CASZ1: variants seen among roughly 807,000 people sequenced by gnomAD.
CASZ1 encodes the protein zinc finger protein castor homolog 1.
A neutral mutation model predicts 135.2 loss-of-function variants in CASZ1; 28 were observed. That is an observed-to-expected ratio of 0.21 (90% CI 0.15 to 0.28). The LOEUF is 0.28. Among genes scored for constraint, CASZ1 ranks in the 10% least tolerant of loss-of-function variants. The probability of loss-of-function intolerance (pLI) is 1.00; values close to 1 mark genes in which losing one functional copy is unlikely to be tolerated. For synonymous variants in CASZ1, 1,068 were observed against 1,073.4 expected (o/e 0.99, Z 0.10); for missense variants, 2,161 against 2,453.3 (o/e 0.88, Z 2.52).
rs763428082 is a variant in CASZ1 at position 10,655,721 on chromosome 1, C to T, written c.1593G>A (p.Pro531=). The T allele has an allele frequency of 2.5e-5, 40 of 1,614,090 alleles. No homozygotes were observed. The highest frequency in any genetic ancestry group is 2.7e-5 in the African/African-American group (2 of 74,956). ...SLQHGFMRFS[P]LDDCSVYYHG... ...GGTAGTAGACGCTGCAGTCGTCCAG[C>T]GGGCTGAAACGCATGAAGCCGTGCT... The change falls in exon 9 of 21, where the codon CCG becomes CCA. Residue 531 remains proline, a synonymous_variant. Transcript: ENST00000377022.
chr1:10,780,131 A>G (rs1384444604), intron 1 of CASZ1, among the ~76,000 whole-genome samples: 1 of 152,250 alleles, frequency 6.6e-6, no homozygotes, highest in East Asian at 1.9e-4. Context: ...GCGCCCTGGC[A>G]GCAAAAGGCC....
rs1442815238 is a variant in CASZ1 at position 10,648,065 on chromosome 1, G to A, written c.3233C>T (p.Thr1078Ile). Reference protein sequence around the residue: ...EAAFPASAAETKPPMAPSSPP... With the variant: ...EAAFPASAAEIKPPMAPSSPP... ...GGACGAGGGGGCCATGGGAGGTTTG[G>A]TCTCGGCGGCCGAGGCCGGAAAGGC... is the stretch of plus-strand genomic sequence containing the variant. The change falls in exon 16 of 21, where the codon ACC becomes ATC. Residue 1078 changes from threonine (T) to isoleucine (I), a missense_variant. Transcript: ENST00000377022. The A allele has an allele frequency of 4.4e-6, 7 of 1,594,308 alleles. No homozygotes were observed. Among genetic ancestry groups the A allele is most frequent in the Admixed American group, 1.8e-5 (1 of 56,506 alleles).
At chr1:10,789,620 GAC>G (rs988185795) in intron 1 of CASZ1, among the ~76,000 whole-genome samples, 20 of 150,462 alleles carry the variant, frequency 1.3e-4, no homozygotes, top group African/African-American at 4.7e-4. Flanking sequence ...TTCCACCAAA[GAC>G]ACATAGGACA....
chr1:10,699,301 T>G lies in CASZ1; in HGVS notation c.-23-5389A>C, dbSNP rs1034816564. 3.9e-5 allele frequency among the ~76,000 whole-genome samples: 6 copies of G among 152,324 alleles called. No homozygotes were observed. The South Asian group carries it at 8.3e-4, about 21-fold the overall frequency. On this transcript the variant is annotated intron_variant, in intron 3 of 20. Coordinates refer to ENST00000377022, the MANE Select transcript of CASZ1 (RefSeq NM_001079843.3). This position sits in a 1 kb window ranked among gnomAD's most constrained non-coding sequence, Gnocchi z 4.6. ...CTTGTGCCCTGGGAGAGGATCACACTTTCCCCCCATTTCCTTTTAGGGAAG... is the reference window on the plus strand; with the variant it reads ...CTTGTGCCCTGGGAGAGGATCACACGTTCCCCCCATTTCCTTTTAGGGAAG...
At chr1:10,791,081 C>CAAAAAAAAAAAAAAAAAAAA (rs61062042) in intron 1 of CASZ1, among the ~76,000 whole-genome samples, 1 of 121,196 alleles carries the variant, frequency 8.3e-6, no homozygotes, top group Non-Finnish European at 1.9e-5. Flanking sequence ...CTCTTCCCAT[C>CAAAAAAAAAAAAAAAAAAAA]AAAAAAAAAA....
Position 10,727,074 on chromosome 1 carries a change from C to T in CASZ1, c.-76-21530G>A, listed in dbSNP as rs1268499340. On this transcript the variant is annotated intron_variant, in intron 2 of 20. Coordinates refer to ENST00000377022, the MANE Select transcript of CASZ1 (RefSeq NM_001079843.3). This position sits in a 1 kb window ranked among gnomAD's most constrained non-coding sequence, Gnocchi z 5.3. ...AGCCTGTGAGTGAGGAGGACTGAAA[C>T]GAAGGCAGAGGGGGAGCCATGGGCG... Among the ~76,000 whole-genome samples the T allele has an allele frequency of 6.6e-6, 1 of 152,074 alleles. No homozygotes were observed. Among genetic ancestry groups the T allele is most frequent in the Non-Finnish European group, 1.5e-5 (1 of 68,006 alleles).
chr1:10,768,525 C>T (rs1557561184), intron 1 of CASZ1, among the ~76,000 whole-genome samples: 1 of 152,158 alleles, frequency 6.6e-6, no homozygotes, highest in Non-Finnish European at 1.5e-5. Context: ...GCCTATTGTT[C>T]ATTTTTACTC....
chr1:10,647,530 T>A lies in CASZ1; in HGVS notation c.3497+271A>T, dbSNP rs1642400458. 7.4e-7 allele frequency: 1 copy of A among 1,356,020 alleles called. No individual in the cohort carries two copies. Among genetic ancestry groups the A allele is most frequent in the African/African-American group, 1.5e-5 (1 of 67,974 alleles). 84.0% of individuals were successfully genotyped at this position (1,356,020 alleles called of 1,614,324 possible). A position where few individuals can be genotyped will look rare whatever the true frequency, so the allele number is the denominator to read the frequency against. ...ACCACCACGCCCAGTCCACCCCACC[T>A]GGCCCTGGCAGGATCACCACATGCC... On this transcript the variant is annotated intron_variant, in intron 16 of 20. Coordinates refer to ENST00000377022, the MANE Select transcript of CASZ1 (RefSeq NM_001079843.3). This position sits in a 1 kb window ranked among gnomAD's most constrained non-coding sequence, Gnocchi z 4.9.
rs575384605 is a variant in CASZ1, at chr1:10,754,767, A to G, written c.-77+5934T>C. ...CCCGGGCCCAGCTCAGCTGCTGGCA[A>G]ACTCCTGGGCTCGGATTGTTTTGAC... On this transcript the variant is annotated intron_variant, in intron 2 of 20. Transcript: ENST00000377022. Among the ~76,000 whole-genome samples, 7 of 152,344 alleles carry G rather than the reference A, an allele frequency of 4.6e-5. No homozygotes were observed. In the South Asian group the frequency reaches 1.4e-3, roughly 32 times the overall value.
rs1341618530 is a variant in CASZ1, at chr1:10,711,066, G to T, written c.-76-5522C>A. Reference sequence around the variant, plus strand: ...GAATCATTTGAACCCGGGAGGCAGAGGTTGCAGTGAGCTGAGATCATGCAA... The same window carrying T: ...GAATCATTTGAACCCGGGAGGCAGATGTTGCAGTGAGCTGAGATCATGCAA... On this transcript the variant is annotated intron_variant, in intron 2 of 20. Transcript: ENST00000377022. The surrounding 1 kb of genome is among the most constrained non-coding windows in gnomAD (Gnocchi z 4.4). Among the ~76,000 whole-genome samples, 2 of 152,234 alleles carry T rather than the reference G, an allele frequency of 1.3e-5. No homozygotes were observed. The highest frequency in any genetic ancestry group is 2.9e-5 in the Non-Finnish European group (2 of 68,046).
At chr1:10,770,345 A>G (rs898606284) in intron 1 of CASZ1, among the ~76,000 whole-genome samples, 2 of 152,162 alleles carry the variant, frequency 1.3e-5, no homozygotes, top group Admixed American at 1.3e-4. Context: ...TCAGCCTCCC[A>G]AAGTGCTGGG....
chr1:10,702,294 C>T (rs1015527888), intron 3 of CASZ1, among the ~76,000 whole-genome samples: 5 of 152,180 alleles, frequency 3.3e-5, no homozygotes, highest in Admixed American at 6.5e-5. Context: ...TCAAGGAGCG[C>T]GCCCAGCTTC....
At chr1:10,696,608 C>T (rs935657709) in intron 3 of CASZ1, among the ~76,000 whole-genome samples, 85 of 152,242 alleles carry the variant, frequency 5.6e-4, no homozygotes, top group Non-Finnish European at 1.5e-4. Context: ...CTGGTGACAG[C>T]AGGTGATCAA....
intron 1 of CASZ1, among the ~76,000 whole-genome samples, chr1:10,790,929 A>T (rs573975959): frequency 6.6e-6 from 1 of 152,246 alleles, no homozygotes; most frequent in South Asian, 2.1e-4. Flanking sequence ...TCTTATTAGC[A>T]AAGGTCCATT....
chr1:10,726,672 C>A lies in CASZ1; in HGVS notation c.-76-21128G>T, dbSNP rs572323221. ...GTGCCAGCTCACTACACCAGCAGAT[C>A]GTTAGCATTCCTTTCCTGCAGGAGC... On this transcript the variant is annotated intron_variant, in intron 2 of 20. Transcript: ENST00000377022. The surrounding 1 kb of genome is among the most constrained non-coding windows in gnomAD (Gnocchi z 5.7). 6.6e-6 allele frequency among the ~76,000 whole-genome samples: 1 copy of A among 152,340 alleles called. No homozygotes were observed. The highest frequency in any genetic ancestry group is 1.9e-4 in the East Asian group (1 of 5,186).
rs763054643 is a variant in CASZ1 at position 10,665,266 on chromosome 1, G to T, written c.322C>A (p.Arg108=). Residue 108 remains arginine (R), a synonymous_variant, in exon 5 of 21, where the codon CGG becomes AGG. Coordinates refer to ENST00000377022, the MANE Select transcript of CASZ1 (RefSeq NM_001079843.3). ...EEPAPTPVLG[R]IAREGLELPP... ...AGCTCCAGGCCCTCGCGGGCAATCC[G>T]CCCCAACACGGGTGTGGGTGCCGGC... 1.2e-6 allele frequency: 2 copies of T among 1,610,070 alleles called. No individual in the cohort carries two copies. The highest frequency in any genetic ancestry group is 1.7e-6 in the Non-Finnish European group (2 of 1,177,632).
rs1272291499 is a variant in CASZ1, at chr1:10,725,725, T to TG, written c.-76-20182_-76-20181insC. ...CCAGGTTCTGGAAAGCCCTTTTTTT[T>TG]TTTTTACTAGGAGACCCCAGAGAGG... is the stretch of plus-strand genomic sequence containing the variant. On this transcript the variant is annotated intron_variant, in intron 2 of 20. Coordinates refer to ENST00000377022, the MANE Select transcript of CASZ1 (RefSeq NM_001079843.3). The surrounding 1 kb of genome is among the most constrained non-coding windows in gnomAD (Gnocchi z 4.4). Among the ~76,000 whole-genome samples, 1 of 151,882 alleles carries TG rather than the reference T, an allele frequency of 6.6e-6. No homozygotes were observed. Among genetic ancestry groups the TG allele is most frequent in the Admixed American group, 6.6e-5 (1 of 15,256 alleles).
intron 2 of CASZ1, among the ~76,000 whole-genome samples, chr1:10,716,512 T>C (rs1639396020): frequency 6.6e-6 from 1 of 152,226 alleles, no homozygotes; most frequent in Admixed American, 6.5e-5. Flanking sequence ...GGGGGGATAC[T>C]GAGGGTGGCT....
intron 4 of CASZ1, among the ~76,000 whole-genome samples, chr1:10,690,254 G>A (rs1638721420): frequency 6.6e-6 from 1 of 152,196 alleles, no homozygotes; most frequent in Admixed American, 6.5e-5. Context: ...ACTTGGCAAG[G>A]CTCTGGCCTT....
Sources: allele counts gnomAD v4.1 joint callset (sites outside exome capture counted in the v4.1 genomes callset), GRCh38; gene constraint gnomAD v4.1.1; non-coding constraint Gnocchi (gnomAD v3.1); transcripts MANE v1.5; gene names NCBI Gene and HGNC (gene_info 2026-07-23, HGNC 2026-07-21).